STPG2: variants seen among roughly 807,000 people sequenced by gnomAD.
STPG2 encodes sperm tail PG-rich repeat containing 2, also known as sperm-tail PG-rich repeat-containing protein 2.
A neutral mutation model predicts 54.2 loss-of-function variants in STPG2; 56 were observed. The ratio of observed to expected loss-of-function variants is 1.03; its 90% CI spans 0.83 to 1.29. STPG2 has a LOEUF of 1.29. Among genes scored for constraint, STPG2 ranks in the 50% most tolerant of loss-of-function variants. STPG2 has a pLI of 0.00. For synonymous variants in STPG2, 200 were observed against 181.8 expected, an observed-to-expected ratio of 1.10 and a Z score of -0.81; for missense variants, 596 against 544.9, an observed-to-expected ratio of 1.09 and a Z score of -0.93.
rs149880711 is a variant in STPG2, at chr4:97,472,324, G to A, written c.462+240375C>T. ...TAAGAGATAAAAACTCCAGGGAGAC[G>A]CAGTCAGTGGGCATCCCCAAACTTT... On this transcript the variant is annotated intron_variant, in intron 4 of 4. Transcript: ENST00000522676. Among the ~76,000 whole-genome samples the A allele has an allele frequency of 1.1e-3, 164 of 152,318 alleles. 4 individuals carry two copies. The East Asian group carries it at 0.019, about 18-fold the overall frequency.
chr4:97,993,359 A>G (rs1315873486), intron 5 of STPG2, among the ~76,000 whole-genome samples: 1 of 151,976 alleles, frequency 6.6e-6, no homozygotes, highest in Admixed American at 6.6e-5. Flanking sequence ...TTTTAATTCT[A>G]TTTATGTAGT....
chr4:97,713,894 C>A (rs1304421832), intron 9 of STPG2, among the ~76,000 whole-genome samples: 1 of 152,020 alleles, frequency 6.6e-6, no homozygotes, highest in Non-Finnish European at 1.5e-5. Flanking sequence ...TATCACATGC[C>A]AAACCTTGTG....
chr4:97,533,959 T>G (rs774286061), intron 4 of STPG2, among the ~76,000 whole-genome samples: 2 of 150,460 alleles, frequency 1.3e-5, no homozygotes, highest in Non-Finnish European at 2.9e-5. Context: ...TAATAAGTAT[T>G]TTTTATTAAG....
chr4:97,937,334 C>T (rs936273374), intron 8 of STPG2, among the ~76,000 whole-genome samples: 22 of 151,934 alleles, frequency 1.4e-4, no homozygotes, highest in African/African-American at 5.1e-4. Context: ...TGCTCCTTTA[C>T]CTCAGCAAAG....
At chr4:97,882,118 T>C (rs1730399087) in intron 8 of STPG2, among the ~76,000 whole-genome samples, 2 of 152,162 alleles carry the variant, frequency 1.3e-5, no homozygotes, top group Admixed American at 6.5e-5. Context: ...TAAGCTGGTA[T>C]GAGAAATTTT....
chr4:97,692,031 A>G (rs1723382620), intron 10 of STPG2, among the ~76,000 whole-genome samples: 1 of 152,206 alleles, frequency 6.6e-6, no homozygotes, highest in African/African-American at 2.4e-5. Context: ...CAATCTGAAC[A>G]GCAGCCCTCA....
intron 9 of STPG2, among the ~76,000 whole-genome samples, chr4:97,807,244 T>G (rs1381530240): frequency 6.6e-6 from 1 of 151,606 alleles, no homozygotes; most frequent in African/African-American, 2.4e-5. Flanking sequence ...TTTAATATGT[T>G]TATTTACTCA....
intron 8 of STPG2, among the ~76,000 whole-genome samples, chr4:97,924,371 A>G (rs528328990): frequency 3.0e-4 from 46 of 152,342 alleles, no homozygotes; most frequent in African/African-American, 1.1e-3. Flanking sequence ...TACACATGCT[A>G]TAGTAATACA....
chr4:97,753,175 C>A (rs780658399), intron 9 of STPG2, among the ~76,000 whole-genome samples: 2 of 151,914 alleles, frequency 1.3e-5, no homozygotes, highest in African/African-American at 2.4e-5. Flanking sequence ...ACCACCACCA[C>A]TTCCCAAAAC....
At chr4:97,800,032 T>G (rs942267352) in intron 9 of STPG2, among the ~76,000 whole-genome samples, 1 of 152,252 alleles carries the variant, frequency 6.6e-6, no homozygotes, top group Non-Finnish European at 1.5e-5. Context: ...TTCAGTTCCA[T>G]CAGGTCATTT....
At chr4:97,531,625 CAT>C (rs1030723875) in intron 4 of STPG2, among the ~76,000 whole-genome samples, 2 of 152,140 alleles carry the variant, frequency 1.3e-5, no homozygotes, top group Non-Finnish European at 2.9e-5. Context: ...ACAAACATCA[CAT>C]GTTCTCACTT....
In STPG2 at chr4:97,688,514, C is replaced by T. The variant is rs914482057; in HGVS notation, c.1320+24185G>A. 9.2e-5 allele frequency among the ~76,000 whole-genome samples: 14 copies of T among 151,984 alleles called. 1 individual carries two copies. The highest frequency in any genetic ancestry group is 7.9e-4 in the Admixed American group (12 of 15,262). Reference sequence around the variant, plus strand: ...CCCAAGTAGCTGGGACTACAGGCACCCGCCACCATGCCCAGCTAATTTTTT... The same window carrying T: ...CCCAAGTAGCTGGGACTACAGGCACTCGCCACCATGCCCAGCTAATTTTTT... On this transcript the variant is annotated intron_variant, in intron 10 of 10. Transcript: ENST00000295268.
rs956902563 is a variant in STPG2, at chr4:98,142,439, C to A, written c.109+603G>T. Among the ~76,000 whole-genome samples the A allele has an allele frequency of 4.6e-5, 7 of 151,846 alleles. No individual in the cohort carries two copies. In the East Asian group the frequency reaches 1.2e-3, roughly 25 times the overall value. Reference sequence around the variant, plus strand: ...ACTAACTGCAAACAAACGAGGAGAGCAAATATTATTTAAATTATCCATCCC... The same window carrying A: ...ACTAACTGCAAACAAACGAGGAGAGAAAATATTATTTAAATTATCCATCCC... On this transcript the variant is annotated intron_variant, in intron 1 of 10. Coordinates refer to ENST00000295268, the MANE Select transcript of STPG2 (RefSeq NM_174952.3).
intron 8 of STPG2, among the ~76,000 whole-genome samples, chr4:97,927,845 C>A (rs116018511): frequency 0.02 from 2,992 of 152,092 alleles, 39 homozygotes; most frequent in South Asian, 0.065. Context: ...TGGTGCCTGG[C>A]ATGGAATAAG....
At chr4:98,026,718 C>G (rs1449124070) in intron 5 of STPG2, among the ~76,000 whole-genome samples, 1 of 152,136 alleles carries the variant, frequency 6.6e-6, no homozygotes, top group African/African-American at 2.4e-5. Flanking sequence ...TAGCTATGCC[C>G]TCTCCAGTGA....
At chr4:97,613,773 A>G (rs1733790984) in intron 10 of STPG2, among the ~76,000 whole-genome samples, 2 of 152,002 alleles carry the variant, frequency 1.3e-5, no homozygotes, top group Admixed American at 1.3e-4. Flanking sequence ...TCCAGTTTTG[A>G]CCATTTAGAT....
At chr4:97,591,847 G>C (rs894115165) in intron 10 of STPG2, among the ~76,000 whole-genome samples, 1 of 152,114 alleles carries the variant, frequency 6.6e-6, no homozygotes, top group African/African-American at 2.4e-5. Flanking sequence ...TTCCAGAGTA[G>C]AATTTGTTGC....
At chr4:97,834,792 G>C (rs958372436) in intron 9 of STPG2, among the ~76,000 whole-genome samples, 2 of 151,944 alleles carry the variant, frequency 1.3e-5, no homozygotes, top group African/African-American at 2.4e-5. Flanking sequence ...CCTTTTGTTG[G>C]TACTGAAGAG....
At chr4:97,968,891 C>G (rs988604656) in intron 7 of STPG2, among the ~76,000 whole-genome samples, 3 of 152,156 alleles carry the variant, frequency 2.0e-5, no homozygotes, top group Non-Finnish European at 4.4e-5. Context: ...ATGTGCTTCC[C>G]CCTGCAGAGA....
Sources: gnomAD v4.1 joint callset for allele counts (sites outside exome capture counted in the v4.1 genomes callset) on GRCh38, gnomAD v4.1.1 for gene constraint, MANE v1.5 for transcripts, NCBI Gene and HGNC (gene_info 2026-07-23, HGNC 2026-07-21) for gene names.